Variants in RAB5B observed in about 807,000 individuals in gnomAD.
RAB5B encodes the protein ras-related protein Rab-5B.
Under a neutral mutation model 28.6 loss-of-function variants are expected in RAB5B, and 11 were observed. The observed-to-expected ratio is 0.38, with a 90% confidence interval of 0.24 to 0.64. The LOEUF (loss-of-function observed/expected upper bound fraction) is 0.64. RAB5B is among the 30% of genes least tolerant of loss of function. The probability of loss-of-function intolerance (pLI) is 0.53; values close to 1 mark genes in which losing one functional copy is unlikely to be tolerated. For synonymous variants in RAB5B, 93 were observed against 97.9 expected (o/e 0.95, Z 0.29); for missense variants, 169 against 265.6 (o/e 0.64, Z 2.53).
At chr12:55,980,382 T>A (rs1889767882) in intron 1 of RAB5B, 8 of 1,489,150 alleles carry the variant, frequency 5.4e-6, no homozygotes, top group Non-Finnish European at 7.5e-6. Context: ...GTTGTCTCCC[T>A]CAGGTTCAGC....
At chr12:55,984,389 C>T (rs1221487547) in intron 1 of RAB5B, among the ~76,000 whole-genome samples, 1 of 152,118 alleles carries the variant, frequency 6.6e-6, no homozygotes, top group African/African-American at 2.4e-5. Flanking sequence ...GGGGTTTCAC[C>T]ATGTTTGCCA....
intron 3 of RAB5B, 44 bp from the exon 4 acceptor site, chr12:55,990,638 T>C (rs1890085532): frequency 6.2e-7 from 1 of 1,609,252 alleles, no homozygotes; most frequent in South Asian, 1.1e-5. Flanking sequence ...TGGATATGGA[T>C]TGGCAGTCAT....
chr12:55,991,261 A>C, intron 4 of RAB5B, 99 bp from the exon 5 acceptor site: 109 of 782,940 alleles, frequency 1.4e-4, no homozygotes, highest in Non-Finnish European at 2.2e-4. Context: ...AGGGGAGGGA[A>C]CCTAGGATTT....
intron 1 of RAB5B, among the ~76,000 whole-genome samples, chr12:55,981,510 C>A (rs572381231): frequency 6.6e-6 from 1 of 152,150 alleles, no homozygotes; most frequent in South Asian, 2.1e-4. Context: ...CTATATATAC[C>A]GAGAACTCTG....
Position 55,992,788 on chromosome 12 carries a change from C to T in RAB5B, c.*576C>T. On this transcript the variant is annotated 3_prime_UTR_variant, in exon 6 of 6. Coordinates refer to ENST00000360299, the MANE Select transcript of RAB5B (RefSeq NM_002868.4). The stretch of plus-strand genomic sequence containing the variant: ...GGTTGGAGTTTCTCATATTTGAAAA[C>T]ATTGCGGTATCCATGATTTGGCCTT... 3.4e-6 allele frequency: 1 copy of T among 298,398 alleles called. No individual in the cohort carries two copies. Among genetic ancestry groups the T allele is most frequent in the South Asian group, 2.8e-5 (1 of 35,404 alleles). 18.5% of individuals were successfully genotyped at this position (298,398 alleles called of 1,614,324 possible).
intron 1 of RAB5B, among the ~76,000 whole-genome samples, chr12:55,984,293 A>T (rs1022154694): frequency 2.0e-5 from 3 of 151,500 alleles, no homozygotes; most frequent in Non-Finnish European, 4.4e-5. Context: ...AAGTTCAAGC[A>T]GTTCACCTGC....
chr12:55,986,171 G>C (rs1306674436), intron 1 of RAB5B, among the ~76,000 whole-genome samples: 1 of 152,166 alleles, frequency 6.6e-6, no homozygotes, highest in Admixed American at 6.5e-5. Flanking sequence ...AGAAGGCCAG[G>C]CACGGTGGCT....
chr12:55,988,143 C>T (rs768128757), intron 2 of RAB5B, among the ~76,000 whole-genome samples: 1 of 151,432 alleles, frequency 6.6e-6, no homozygotes, highest in African/African-American at 2.4e-5. Context: ...GAGTGAAAAT[C>T]CGTCTCAAAA....
rs1390757616 is a variant in RAB5B at position 55,992,742 on chromosome 12, A to T, written c.*530A>T. 3 of 302,426 alleles carry T rather than the reference A, an allele frequency of 9.9e-6. No homozygotes were observed. The highest frequency in any genetic ancestry group is 6.6e-4 in the Middle Eastern group (1 of 1,506). The allele number at this position is 302,426 out of a possible 1,614,324, so 18.7% of individuals were successfully genotyped here. On this transcript the variant is annotated 3_prime_UTR_variant, in exon 6 of 6. Transcript: ENST00000360299. ...TCAGAGCAGGAGGGAGTAAGGAAAC[A>T]TTTCCTTTTTGTTTTTATTTGGTTG... is the stretch of plus-strand genomic sequence containing the variant.
chr12:55,994,883 C>T lies in RAB5B; in HGVS notation c.*2671C>T, dbSNP rs1397241601. The T allele has an allele frequency of 6.6e-6, 1 of 151,948 alleles. No homozygotes were observed. The highest frequency in any genetic ancestry group is 2.4e-5 in the African/African-American group (1 of 41,324). 9.4% of individuals were successfully genotyped at this position (151,948 alleles called of 1,614,324 possible). ...TTCCCTTTAATCTTTTCTTAAACAT[C>T]TAGTTTAGAAAATAGCCCTTCTATT... On this transcript the variant is annotated 3_prime_UTR_variant, in exon 6 of 6. Coordinates refer to ENST00000360299, the MANE Select transcript of RAB5B (RefSeq NM_002868.4).
At chr12:55,990,626 G>T in intron 3 of RAB5B, 56 bp from the exon 4 acceptor site, 1 of 1,601,612 alleles carries the variant, frequency 6.2e-7, no homozygotes, top group South Asian at 1.1e-5. Context: ...TTTAAAAGGT[G>T]ATGGATATGG....
intron 1 of RAB5B, among the ~76,000 whole-genome samples, chr12:55,974,560 C>G (rs1008362000): frequency 1.3e-5 from 2 of 152,108 alleles, no homozygotes; most frequent in East Asian, 3.8e-4. Context: ...GGGGCTGGGT[C>G]CCTGCAGAGA....
At chr12:55,982,342 A>G (rs1052434865) in intron 1 of RAB5B, among the ~76,000 whole-genome samples, 3 of 152,178 alleles carry the variant, frequency 2.0e-5, no homozygotes, top group Non-Finnish European at 4.4e-5. Context: ...TGTACCACAG[A>G]ATTTTTGAGA....
chr12:55,992,373 C>T lies in RAB5B; in HGVS notation c.*161C>T. ...TCCGTCATGGCACTTTTTAACGCTTCAGCAACAAACACCAGGCAGCTGTTG... is the reference window on the plus strand; with the variant it reads ...TCCGTCATGGCACTTTTTAACGCTTTAGCAACAAACACCAGGCAGCTGTTG... On this transcript the variant is annotated 3_prime_UTR_variant, in exon 6 of 6. Coordinates refer to ENST00000360299, the MANE Select transcript of RAB5B (RefSeq NM_002868.4). 2 of 701,738 alleles carry T rather than the reference C, an allele frequency of 2.9e-6. No homozygotes were observed. Among genetic ancestry groups the T allele is most frequent in the Non-Finnish European group, 2.5e-6 (1 of 394,292 alleles). The allele number at this position is 701,738 out of a possible 1,614,324, so 43.5% of individuals were successfully genotyped here. A position where few individuals can be genotyped will look rare whatever the true frequency, so the allele number is the denominator to read the frequency against.
At chr12:55,976,989 T>G (rs1005470016) in intron 1 of RAB5B, among the ~76,000 whole-genome samples, 3 of 152,134 alleles carry the variant, frequency 2.0e-5, no homozygotes, top group Middle Eastern at 3.4e-3. Context: ...GTGTGTGTGT[T>G]TTTAGACGGA....
rs1253352105 is a variant in RAB5B at position 55,992,403 on chromosome 12, T to C, written c.*191T>C. ...ACAAACACCAGGCAGCTGTTGCCAC[T>C]GGCCTCCTACCCCCTACTCTGGGGC... On this transcript the variant is annotated 3_prime_UTR_variant, in exon 6 of 6. Transcript: ENST00000360299. 11 of 683,556 alleles carry C rather than the reference T, an allele frequency of 1.6e-5. No homozygotes were observed. The highest frequency in any genetic ancestry group is 2.9e-5 in the Non-Finnish European group (11 of 378,934). The allele number at this position is 683,556 out of a possible 1,614,324, so 42.3% of individuals were successfully genotyped here. A position where few individuals can be genotyped will look rare whatever the true frequency, so the allele number is the denominator to read the frequency against.
Position 55,996,003 on chromosome 12 carries a change from A to ATATATTTTTTTTTTTTTT in RAB5B, c.*3792_*3793insATATTTTTTTTTTTTTTT. Reference sequence around the variant, plus strand: ...TATATACATATATATATATATATATATTTTTTTTTTAACAACTGGTAGGAT... The same window carrying ATATATTTTTTTTTTTTTT: ...TATATACATATATATATATATATATATATATTTTTTTTTTTTTTTTTTTTTTTTAACAACTGGTAGGAT... On this transcript the variant is annotated 3_prime_UTR_variant, in exon 6 of 6. Transcript: ENST00000360299. The ATATATTTTTTTTTTTTTT allele has an allele frequency of 1.0e-5, 1 of 97,410 alleles. No homozygotes were observed. The highest frequency in any genetic ancestry group is 4.7e-5 in the African/African-American group (1 of 21,152). The allele number at this position is 97,410 out of a possible 1,614,324, so 6.0% of individuals were successfully genotyped here. A position where few individuals can be genotyped will look rare whatever the true frequency, so the allele number is the denominator to read the frequency against.
Position 55,991,344 on chromosome 12 carries a change from A to C in RAB5B, c.439-16A>C, listed in dbSNP as rs766182418. On this transcript the variant is annotated splice_polypyrimidine_tract_variant and intron_variant, in intron 4 of 5. Transcript: ENST00000360299. ...CACCCTACATTCTGAGCACTAATAC[A>C]TCCCACTCCTTGCAGGAGGCCCAGG... is the stretch of plus-strand genomic sequence containing the variant. The C allele has an allele frequency of 1.3e-5, 20 of 1,598,156 alleles. No individual in the cohort carries two copies. In the South Asian group the frequency reaches 2.0e-4, roughly 16 times the overall value.
At chr12:55,983,231 G>A (rs1470662953) in intron 1 of RAB5B, among the ~76,000 whole-genome samples, 3 of 151,938 alleles carry the variant, frequency 2.0e-5, no homozygotes, top group South Asian at 2.1e-4. Context: ...GGCATGTGGC[G>A]CTACACCCAG....
Sources: gnomAD v4.1 joint callset for allele counts (sites outside exome capture counted in the v4.1 genomes callset) on GRCh38, gnomAD v4.1.1 for gene constraint, MANE v1.5 for transcripts, NCBI Gene and HGNC (gene_info 2026-07-23, HGNC 2026-07-21) for gene names.